Variants in L3MBTL4 observed in about 807,000 individuals in gnomAD.
The protein encoded by L3MBTL4 is L3MBTL histone methyl-lysine binding protein 4, also known as lethal(3)malignant brain tumor-like protein 4.
In L3MBTL4, 70 loss-of-function variants were observed where a neutral mutation model predicts 84.5. The ratio of observed to expected loss-of-function variants is 0.83; its 90% CI spans 0.68 to 1.01. The LOEUF is 1.01. L3MBTL4 is among the 50% of genes least tolerant of loss of function. The pLI, the probability that L3MBTL4 is intolerant of heterozygous loss-of-function variation, is 0.00. For missense variants in L3MBTL4, 715 were observed against 754.8 expected, an observed-to-expected ratio of 0.95 and a Z score of 0.62; for synonymous variants, 274 against 259.8, an observed-to-expected ratio of 1.05 and a Z score of -0.52.
At chr18:6,279,980 T>C (rs1218221430) in intron 4 of L3MBTL4, among the ~76,000 whole-genome samples, 1 of 152,216 alleles carries the variant, frequency 6.6e-6, no homozygotes, top group Non-Finnish European at 1.5e-5. Flanking sequence ...GGGCTTCAAT[T>C]AATGGACACA....
At chr18:6,109,098 G>A (rs2059107428) in intron 14 of L3MBTL4, among the ~76,000 whole-genome samples, 1 of 152,118 alleles carries the variant, frequency 6.6e-6, no homozygotes, top group South Asian at 2.1e-4. Flanking sequence ...GGTAGGGATG[G>A]TCTGGAGGAA....
chr18:6,069,778 C>T (rs1045502086), intron 16 of L3MBTL4, among the ~76,000 whole-genome samples: 1 of 152,176 alleles, frequency 6.6e-6, no homozygotes, highest in African/African-American at 2.4e-5. Context: ...ATAACAAAGG[C>T]AAAAGATGAC....
intron 3 of L3MBTL4, among the ~76,000 whole-genome samples, chr18:6,309,027 G>C (rs951809497): frequency 2.0e-5 from 3 of 152,096 alleles, no homozygotes; most frequent in Non-Finnish European, 4.4e-5. Context: ...AAAATTATTA[G>C]ATATCCAAGG....
At chr18:6,030,573 C>G (rs1366354423) in intron 16 of L3MBTL4, 1 of 773,174 alleles carries the variant, frequency 1.3e-6, no homozygotes, top group Non-Finnish European at 1.6e-6. Context: ...ACGATCTCAG[C>G]TCACTGCCTC....
At chr18:6,119,216 A>G (rs1039442828) in intron 14 of L3MBTL4, among the ~76,000 whole-genome samples, 2 of 151,916 alleles carry the variant, frequency 1.3e-5, no homozygotes, top group African/African-American at 4.8e-5. Flanking sequence ...TAGAAATATG[A>G]CAGCCAGGAG....
chr18:6,370,155 G>T (rs201405009), intron 1 of L3MBTL4, among the ~76,000 whole-genome samples: 1 of 121,646 alleles, frequency 8.2e-6, no homozygotes, highest in Non-Finnish European at 1.7e-5. Context: ...AAAAAAAAAA[G>T]AAAGCACTGA....
chr18:6,330,192 C>T (rs2051953877), intron 1 of L3MBTL4, among the ~76,000 whole-genome samples: 1 of 152,218 alleles, frequency 6.6e-6, no homozygotes, highest in African/African-American at 2.4e-5. Flanking sequence ...AGGAGTGGAA[C>T]TCTCATGTCA....
At chr18:5,966,386 G>A (rs1237944271) in intron 17 of L3MBTL4, among the ~76,000 whole-genome samples, 5 of 152,014 alleles carry the variant, frequency 3.3e-5, no homozygotes, top group Non-Finnish European at 4.4e-5. Context: ...CTCAAAACCC[G>A]ACCAGCTCTG....
intron 1 of L3MBTL4, among the ~76,000 whole-genome samples, chr18:6,340,700 G>A (rs1051020196): frequency 6.6e-6 from 1 of 151,826 alleles, no homozygotes; most frequent in Admixed American, 6.6e-5. Flanking sequence ...TGACTCTCCT[G>A]TGGGCCCTTG....
chr18:5,988,760 G>T (rs929757462), intron 16 of L3MBTL4, among the ~76,000 whole-genome samples: 1 of 152,196 alleles, frequency 6.6e-6, no homozygotes, highest in African/African-American at 2.4e-5. Flanking sequence ...AGAATCATCT[G>T]AGGAGATGTG....
chr18:6,071,836 G>GGAA, intron 16 of L3MBTL4, among the ~76,000 whole-genome samples: 1 of 114,044 alleles, frequency 8.8e-6, no homozygotes, highest in Non-Finnish European at 1.7e-5. Context: ...AAGAAAGAAA[G>GGAA]AGAAAGAGAG....
At position 6,314,003 on chromosome 18, in the gene L3MBTL4, T is replaced by C. The variant is rs140940514; in HGVS notation, c.-90-1947A>G. The stretch of plus-strand genomic sequence containing the variant: ...CAAATACAAGAGACCATTAAATACA[T>C]AGGAGATGAATGTTATACAGATGGA... On this transcript the variant is annotated intron_variant, in intron 1 of 18. Transcript: ENST00000317931. 6.8e-4 allele frequency among the ~76,000 whole-genome samples: 103 copies of C among 152,110 alleles called. 1 individual carries two copies. The highest frequency in any genetic ancestry group is 5.0e-4 in the Non-Finnish European group (34 of 68,002).
At chr18:6,199,399 T>G (rs2045551673) in intron 12 of L3MBTL4, among the ~76,000 whole-genome samples, 1 of 152,184 alleles carries the variant, frequency 6.6e-6, no homozygotes, top group Non-Finnish European at 1.5e-5. Context: ...ACACTTCAAG[T>G]GCCCAACAGC....
At chr18:6,122,357 G>C (rs1442370885) in intron 14 of L3MBTL4, among the ~76,000 whole-genome samples, 2 of 152,162 alleles carry the variant, frequency 1.3e-5, no homozygotes, top group East Asian at 3.8e-4. Context: ...TGATTTGGCT[G>C]TGTCCCCACC....
intron 1 of L3MBTL4, among the ~76,000 whole-genome samples, chr18:6,380,341 T>C (rs1380274253): frequency 6.6e-6 from 1 of 152,212 alleles, no homozygotes; most frequent in Non-Finnish European, 1.5e-5. Flanking sequence ...ATCTTCATTA[T>C]TTCTTGTCTT....
intron 1 of L3MBTL4, among the ~76,000 whole-genome samples, chr18:6,321,727 A>G (rs921866970): frequency 6.6e-6 from 1 of 152,200 alleles, no homozygotes; most frequent in Non-Finnish European, 1.5e-5. Context: ...ATAAAAATGA[A>G]TGAGATAATG....
At chr18:6,369,668 G>A (rs2054078378) in intron 1 of L3MBTL4, among the ~76,000 whole-genome samples, 1 of 152,134 alleles carries the variant, frequency 6.6e-6, no homozygotes, top group Non-Finnish European at 1.5e-5. Context: ...GATTACAGCT[G>A]GATTTGGTTG....
chr18:6,218,468 G>C (rs1450216332), intron 10 of L3MBTL4, among the ~76,000 whole-genome samples: 1 of 152,102 alleles, frequency 6.6e-6, no homozygotes. Context: ...CCTGAGTGTA[G>C]GGGACTAAGG....
intron 5 of L3MBTL4, among the ~76,000 whole-genome samples, chr18:6,254,924 G>A (rs962175351): frequency 1.3e-4 from 20 of 152,152 alleles, no homozygotes; most frequent in Non-Finnish European, 5.9e-5. Context: ...GGCAACCTTA[G>A]ACCAGCAAAG....
Sources: allele counts gnomAD v4.1 joint callset (sites outside exome capture counted in the v4.1 genomes callset), GRCh38; gene constraint gnomAD v4.1.1; transcripts MANE v1.5; gene names NCBI Gene and HGNC (gene_info 2026-07-23, HGNC 2026-07-21).